STON2: variants seen among roughly 807,000 people sequenced by gnomAD.
The protein encoded by STON2 is stonin 2.
A neutral mutation model predicts 65.7 loss-of-function variants in STON2; 29 were observed. The ratio of observed to expected loss-of-function variants is 0.44; its 90% CI spans 0.33 to 0.60. The LOEUF is 0.60. Ranked by LOEUF, STON2 falls within the 20% of genes least tolerant of loss-of-function variation. The probability of loss-of-function intolerance (pLI) is 0.03; values close to 1 mark genes in which losing one functional copy is unlikely to be tolerated. For synonymous variants in STON2, 404 were observed against 414.2 expected, an observed-to-expected ratio of 0.98 and a Z score of 0.30; for missense variants, 1,054 against 1,118.1, an observed-to-expected ratio of 0.94 and a Z score of 0.82.
Position 81,357,138 on chromosome 14 carries a change from A to T in STON2, c.571+13850T>A, listed in dbSNP as rs56079762. On this transcript the variant is annotated intron_variant, in intron 4 of 7. Coordinates refer to ENST00000614646, the MANE Select transcript of STON2 (RefSeq NM_001394390.1). ...ACCCACAAAATGGGAGAAAATTTTC[A>T]CAACCTACTCATCTGACAAAGGGCT... is the stretch of plus-strand genomic sequence containing the variant. Among the ~76,000 whole-genome samples the T allele has an allele frequency of 8.4e-3, 1,264 of 151,078 alleles. 23 individuals carry two copies. Among genetic ancestry groups the T allele is most frequent in the African/African-American group, 0.03 (1,218 of 41,096 alleles).
At chr14:81,297,954 T>C (rs1895825374) in intron 5 of STON2, among the ~76,000 whole-genome samples, 5 of 152,168 alleles carry the variant, frequency 3.3e-5, no homozygotes, top group African/African-American at 1.2e-4. Context: ...GGAGAATCGC[T>C]TGAACCTGGG....
intron 4 of STON2, among the ~76,000 whole-genome samples, chr14:81,347,662 A>G (rs948319308): frequency 2.0e-5 from 3 of 148,616 alleles, no homozygotes; most frequent in African/African-American, 7.4e-5. Flanking sequence ...ATCCCTGATG[A>G]ACATAGATGC....
chr14:81,410,231 T>C (rs576387235), intron 2 of STON2, among the ~76,000 whole-genome samples: 1 of 127,128 alleles, frequency 7.9e-6, no homozygotes, highest in South Asian at 2.4e-4. Flanking sequence ...TTGCTTAAGC[T>C]ATTAGAATTA....
intron 2 of STON2, among the ~76,000 whole-genome samples, chr14:81,417,852 C>T (rs926314578): frequency 3.3e-5 from 5 of 152,104 alleles, no homozygotes; most frequent in African/African-American, 1.2e-4. Flanking sequence ...GTTAGACCCT[C>T]GGGTGACAGA....
intron 5 of STON2, among the ~76,000 whole-genome samples, chr14:81,279,754 G>T: frequency 6.6e-6 from 1 of 152,156 alleles, no homozygotes; most frequent in South Asian, 2.1e-4. Context: ...GCTCAATGAG[G>T]GTAAAGGTGC....
chr14:81,371,679 A>AAAAAAAAT (rs1899001984), intron 3 of STON2, among the ~76,000 whole-genome samples: 1 of 149,920 alleles, frequency 6.7e-6, no homozygotes. Context: ...CTGAGTCTAA[A>AAAAAAAAT]AAAAAAAAAA....
chr14:81,371,676 T>TCAAAAAAAAACAAAAAAA (rs58782661), intron 3 of STON2, among the ~76,000 whole-genome samples: 1 of 97,690 alleles, frequency 1.0e-5, no homozygotes. Flanking sequence ...AGACTGAGTC[T>TCAAAAAAAAACAAAAAAA]AAAAAAAAAA....
At chr14:81,270,471 C>T (rs112410875) in intron 7 of STON2, 199 bp downstream of exon 7, 2 of 1,487,858 alleles carry the variant, frequency 1.3e-6, no homozygotes, top group Non-Finnish European at 1.8e-6. Flanking sequence ...TTTTTTCCAA[C>T]CTTTCTCTCA....
At chr14:81,416,953 T>C (rs534331521) in intron 2 of STON2, among the ~76,000 whole-genome samples, 2 of 152,218 alleles carry the variant, frequency 1.3e-5, no homozygotes, top group East Asian at 1.9e-4. Context: ...GGTGGGTAGC[T>C]CTACAATGAA....
chr14:81,262,147 C>CT lies in STON2; in HGVS notation c.*6266dup, dbSNP rs1236346984. ...AGAAACAATTAATCCAACTTCCTCA[C>CT]TTTTTTGTCTCAGGAAACTGAAGCC... On this transcript the variant is annotated 3_prime_UTR_variant, in exon 8 of 8. Coordinates refer to ENST00000614646, the MANE Select transcript of STON2 (RefSeq NM_001394390.1). 1 of 985,188 alleles carries CT rather than the reference C, an allele frequency of 1.0e-6. No individual in the cohort carries two copies. Among genetic ancestry groups the CT allele is most frequent in the Non-Finnish European group, 1.2e-6 (1 of 829,836 alleles). The allele number at this position is 985,188 out of a possible 1,614,324, so 61.0% of individuals were successfully genotyped here. A position where few individuals can be genotyped will look rare whatever the true frequency, so the allele number is the denominator to read the frequency against.
Position 81,264,670 on chromosome 14 carries a change from A to C in STON2, c.*3744T>G. On this transcript the variant is annotated 3_prime_UTR_variant, in exon 8 of 8. Transcript: ENST00000614646. The stretch of plus-strand genomic sequence containing the variant: ...CTCATTTCAAATAAAAAATATTTTA[A>C]ATCAAACAATGTTCTCAAGGATTAT... 2 of 985,260 alleles carry C rather than the reference A, an allele frequency of 2.0e-6. No individual in the cohort carries two copies. Among genetic ancestry groups the C allele is most frequent in the South Asian group, 4.7e-5 (1 of 21,288 alleles). 61.0% of individuals were successfully genotyped at this position (985,260 alleles called of 1,614,324 possible). A position where few individuals can be genotyped will look rare whatever the true frequency, so the allele number is the denominator to read the frequency against.
chr14:81,393,457 C>G (rs1171942549), intron 3 of STON2, among the ~76,000 whole-genome samples: 1 of 152,194 alleles, frequency 6.6e-6, no homozygotes, highest in Non-Finnish European at 1.5e-5. Flanking sequence ...AAGGAGAGCA[C>G]AGGGCATCCG....
chr14:81,316,125 G>C (rs976865865), intron 5 of STON2, among the ~76,000 whole-genome samples: 9 of 152,278 alleles, frequency 5.9e-5, no homozygotes, highest in Non-Finnish European at 8.8e-5. Flanking sequence ...ACATAAAACA[G>C]AAATAGTATA....
chr14:81,405,293 A>G (rs1900792704), upstream of STON2, among the ~76,000 whole-genome samples: 1 of 151,632 alleles, frequency 6.6e-6, no homozygotes. Context: ...CAGCTTTTCC[A>G]TTTTATAATG....
chr14:81,349,440 C>G (rs1449840175), intron 4 of STON2, among the ~76,000 whole-genome samples: 1 of 152,174 alleles, frequency 6.6e-6, no homozygotes, highest in East Asian at 1.9e-4. Flanking sequence ...CAAACAGACA[C>G]TTGTCAAAAG....
chr14:81,371,261 T>G, intron 3 of STON2, 76 bp from the exon 4 acceptor site: 1 of 1,353,318 alleles, frequency 7.4e-7, no homozygotes, highest in Non-Finnish European at 1.0e-6. Flanking sequence ...TTATCTTACT[T>G]TGATGTTGCT....
Position 81,268,043 on chromosome 14 carries a change from T to C in STON2, c.*371A>G, listed in dbSNP as rs184235084. ...GTGACAGATGAACATCAGAAGGCAA[T>C]CGTGCTAACACTGATGTGGGAGGTT... On this transcript the variant is annotated 3_prime_UTR_variant, in exon 8 of 8. Transcript: ENST00000614646. 4.0e-6 allele frequency: 4 copies of C among 987,684 alleles called. No individual in the cohort carries two copies. The East Asian group carries it at 4.5e-4, about 112-fold the overall frequency. The allele number at this position is 987,684 out of a possible 1,614,324, so 61.2% of individuals were successfully genotyped here. A position where few individuals can be genotyped will look rare whatever the true frequency, so the allele number is the denominator to read the frequency against.
intron 3 of STON2, among the ~76,000 whole-genome samples, chr14:81,382,541 A>G (rs1035998318): frequency 3.3e-5 from 5 of 151,954 alleles, no homozygotes; most frequent in African/African-American, 1.2e-4. Context: ...AGGTGGTGAT[A>G]CAGAGGGGAG....
At chr14:81,290,192 T>C (rs1313385185) in intron 5 of STON2, among the ~76,000 whole-genome samples, 1 of 152,224 alleles carries the variant, frequency 6.6e-6, no homozygotes, top group Non-Finnish European at 1.5e-5. Context: ...GTCTCACTAG[T>C]CTCACCTTCT....
Sources: gnomAD v4.1 joint callset for allele counts (sites outside exome capture counted in the v4.1 genomes callset) on GRCh38, gnomAD v4.1.1 for gene constraint, MANE v1.5 for transcripts, NCBI Gene and HGNC (gene_info 2026-07-23, HGNC 2026-07-21) for gene names.